The following TENM1 variants were observed in gnomAD, a reference collection of about 807,000 sequenced individuals.
TENM1 encodes teneurin transmembrane protein 1.
A neutral mutation model predicts 174.8 loss-of-function variants in TENM1; 35 were observed. That is an observed-to-expected ratio of 0.20 (90% CI 0.15 to 0.27). The LOEUF (loss-of-function observed/expected upper bound fraction) is 0.27. Ranked by LOEUF, TENM1 falls within the 10% of genes least tolerant of loss-of-function variation. TENM1 has a pLI of 1.00. For missense variants in TENM1, 1,633 were observed against 2,130.1 expected (o/e 0.77, Z 4.59); for synonymous variants, 781 against 798.7 (o/e 0.98, Z 0.37).
At chrX:124,810,121 A>G (rs1419778273) in intron 3 of TENM1, among the ~76,000 whole-genome samples, 1 of 111,534 alleles carries the variant, frequency 9.0e-6, no homozygotes, top group Non-Finnish European at 1.9e-5. Context: ...CTCAATGCAG[A>G]AAAATTGAAA....
intron 22 of TENM1, among the ~76,000 whole-genome samples, chrX:124,470,899 T>C (rs769582573): frequency 9.1e-4 from 99 of 108,688 alleles, no homozygotes; most frequent in Non-Finnish European, 1.4e-3. Context: ...GAAAATAACA[T>C]ACATGTATTT....
the TENM1 span, among the ~76,000 whole-genome samples, chrX:125,006,480 G>A: frequency 2.4e-4 from 27 of 111,777 alleles, no homozygotes; most frequent in East Asian, 1.1e-3. Flanking sequence ...TGAAGAGTGC[G>A]GCTGATCCTG....
At chrX:125,056,954 C>T in the TENM1 span, among the ~76,000 whole-genome samples, 2 of 110,969 alleles carry the variant, frequency 1.8e-5, no homozygotes, top group Non-Finnish European at 3.8e-5. Flanking sequence ...TCTGGTTTTT[C>T]CCCAAAATCA....
At chrX:124,806,122 G>C (rs2055590374) in intron 3 of TENM1, among the ~76,000 whole-genome samples, 1 of 111,414 alleles carries the variant, frequency 9.0e-6, no homozygotes, top group Non-Finnish European at 1.9e-5. Flanking sequence ...TTAACAAAGA[G>C]ATAGAAATAA....
chrX:124,518,486 C>A (rs2047769096), intron 18 of TENM1, among the ~76,000 whole-genome samples: 1 of 110,608 alleles, frequency 9.0e-6, no homozygotes, highest in African/African-American at 3.3e-5. Flanking sequence ...TCACAACACC[C>A]TTCTTAGAGA....
intron 23 of TENM1, among the ~76,000 whole-genome samples, chrX:124,448,159 T>C (rs1448490316): frequency 8.9e-6 from 1 of 112,000 alleles, no homozygotes; most frequent in East Asian, 2.8e-4. Context: ...AATGAATCTA[T>C]CTACCTTTCT....
At chrX:125,022,911 T>C in the TENM1 span, among the ~76,000 whole-genome samples, 1 of 111,863 alleles carries the variant, frequency 8.9e-6, no homozygotes, top group Non-Finnish European at 1.9e-5. Context: ...TAAATATAAA[T>C]TTATTACAAA....
At chrX:125,107,770 T>C in the TENM1 span, among the ~76,000 whole-genome samples, 1 of 112,092 alleles carries the variant, frequency 8.9e-6, no homozygotes, top group South Asian at 3.7e-4. Context: ...AAAAACTACA[T>C]AACACTAGGA....
chrX:124,450,132 G>A (rs892575416), intron 23 of TENM1, among the ~76,000 whole-genome samples: 4 of 110,471 alleles, frequency 3.6e-5, no homozygotes, highest in South Asian at 3.9e-4. Context: ...TGAGTCTCAC[G>A]AGATCTGATG....
intron 14 of TENM1, among the ~76,000 whole-genome samples, chrX:124,550,414 G>T (rs1025927102): frequency 8.9e-6 from 1 of 111,966 alleles, no homozygotes; most frequent in South Asian, 3.7e-4. Context: ...TTGAAAACAC[G>T]TACAGATTAG....
intron 22 of TENM1, among the ~76,000 whole-genome samples, chrX:124,466,972 G>A (rs1389461850): frequency 9.0e-6 from 1 of 111,056 alleles, no homozygotes. Flanking sequence ...CAATTTCCTC[G>A]GGTTAGAGAT....
intron 11 of TENM1, among the ~76,000 whole-genome samples, chrX:124,576,487 C>T (rs778916842): frequency 8.9e-5 from 10 of 112,028 alleles, no homozygotes; most frequent in Non-Finnish European, 1.9e-4. Flanking sequence ...TCATAATTGC[C>T]GTCTAGGTGC....
intron 4 of TENM1, among the ~76,000 whole-genome samples, chrX:124,712,551 G>A (rs2053083628): frequency 9.1e-6 from 1 of 110,295 alleles, no homozygotes; most frequent in Non-Finnish European, 1.9e-5. Context: ...GCACAATCTC[G>A]GTTCACTGCA....
chrX:124,861,655 T>G (rs1234712814), intron 3 of TENM1, among the ~76,000 whole-genome samples: 3 of 112,297 alleles, frequency 2.7e-5, no homozygotes, highest in African/African-American at 9.7e-5. Context: ...CTTCATAAAC[T>G]AAAATTTCAA....
At chrX:124,423,945 C>T (rs2147755777) in intron 23 of TENM1, among the ~76,000 whole-genome samples, 1 of 111,069 alleles carries the variant, frequency 9.0e-6, no homozygotes, top group African/African-American at 3.3e-5. Context: ...GGATCTAATC[C>T]AACAGGACTG....
At chrX:125,032,968 G>A in the TENM1 span, among the ~76,000 whole-genome samples, 2 of 112,100 alleles carry the variant, frequency 1.8e-5, no homozygotes, top group African/African-American at 6.5e-5. Flanking sequence ...CCATGATGCT[G>A]TAAAACAGTG....
At chrX:124,783,622 T>A (rs759764250) in intron 3 of TENM1, among the ~76,000 whole-genome samples, 110 of 111,707 alleles carry the variant, frequency 9.8e-4, no homozygotes, top group African/African-American at 3.2e-3. Context: ...ATCGATGACC[T>A]TTAGGAACTG....
At chrX:124,384,299 C>A (rs1420697927) in exon 30 of TENM1, 1 of 1,207,314 alleles carries the variant, frequency 8.3e-7, no homozygotes, top group Non-Finnish European at 1.1e-6. Context: ...TTCTCCTAAT[C>A]TGGTGATGCG....
At chrX:125,199,590 A>C in the TENM1 span, among the ~76,000 whole-genome samples, 1 of 111,501 alleles carries the variant, frequency 9.0e-6, no homozygotes, top group Admixed American at 9.5e-5. Flanking sequence ...TTGTTTACCT[A>C]AAGTGGAGGC....
Sources: allele counts gnomAD v4.1 joint callset (sites outside exome capture counted in the v4.1 genomes callset), GRCh38; gene constraint gnomAD v4.1.1; transcripts MANE v1.5; gene names NCBI Gene and HGNC (gene_info 2026-07-23, HGNC 2026-07-21).